Variants in PFKFB3 observed in about 807,000 individuals in gnomAD.
PFKFB3 encodes the protein 6-phosphofructo-2-kinase/fructose-2,6-biphosphatase 3.
In PFKFB3, 33 loss-of-function variants were observed where a neutral mutation model predicts 68.0. The observed-to-expected ratio is 0.49, with a 90% CI of 0.37 to 0.65. The LOEUF (loss-of-function observed/expected upper bound fraction) is 0.65. PFKFB3 is among the 30% of genes least tolerant of loss of function. The pLI, the probability that PFKFB3 is intolerant of heterozygous loss-of-function variation, is 0.00. For missense variants in PFKFB3, 586 were observed against 712.2 expected (o/e 0.82, Z 2.02); for synonymous variants, 315 against 288.2 (o/e 1.09, Z -0.94).
At chr10:6,256,153 G>A (rs142947846), downstream of PFKFB3, among the ~76,000 whole-genome samples, 15 of 152,298 alleles carry the variant, frequency 9.8e-5, no homozygotes, top group East Asian at 2.9e-3. Flanking sequence ...TAGGGCCTGT[G>A]CCCTTTGAAC....
intron 1 of PFKFB3, among the ~76,000 whole-genome samples, chr10:6,194,876 T>C (rs1030619575): frequency 8.9e-5 from 12 of 135,234 alleles, no homozygotes; most frequent in Admixed American, 2.3e-4. Flanking sequence ...TTTTCTTTTT[T>C]CTTTTTTTTT....
chr10:6,238,151 G>T (rs958469562), downstream of PFKFB3, among the ~76,000 whole-genome samples: 1 of 151,726 alleles, frequency 6.6e-6, no homozygotes, highest in East Asian at 1.9e-4. Context: ...TGTCTTTGGA[G>T]AAATTTTTAT....
At chr10:6,238,004 G>T (rs564684714), downstream of PFKFB3, among the ~76,000 whole-genome samples, 11 of 151,748 alleles carry the variant, frequency 7.2e-5, no homozygotes, top group East Asian at 1.5e-3. Flanking sequence ...TGAAGGCGCT[G>T]GTTTCAACCT....
intron 6 of PFKFB3, among the ~76,000 whole-genome samples, chr10:6,218,409 A>AT (rs1844734515): frequency 4.9e-5 from 7 of 143,256 alleles, no homozygotes; most frequent in African/African-American, 1.8e-4. Flanking sequence ...AATCATTTTT[A>AT]TTATTTATTT....
chr10:6,145,023 C>G, intron 1 of PFKFB3: 1 of 1,335,692 alleles, frequency 7.5e-7, no homozygotes, highest in South Asian at 1.9e-5. Context: ...GGTAGGAGTC[C>G]CGGTGACGCG....
intron 13 of PFKFB3, among the ~76,000 whole-genome samples, chr10:6,225,825 C>T (rs1845311848): frequency 6.6e-6 from 1 of 152,212 alleles, no homozygotes; most frequent in Non-Finnish European, 1.5e-5. Flanking sequence ...CCAGCCTCTC[C>T]CTCCTAGATG....
intron 6 of PFKFB3, among the ~76,000 whole-genome samples, chr10:6,217,438 CA>C (rs1487279047): frequency 6.6e-6 from 1 of 152,188 alleles, no homozygotes; most frequent in African/African-American, 2.4e-5. Context: ...GGAAATAATT[CA>C]GGGAGATAGG....
chr10:6,192,139 TACACACACACACAC>T (rs60638987), intron 1 of PFKFB3, among the ~76,000 whole-genome samples: 355 of 119,124 alleles, frequency 3.0e-3, no homozygotes, highest in East Asian at 0.015. Context: ...CATTCCCCAA[TACACACACACACAC>T]ACACACACAC....
At chr10:6,260,052 G>A in the PFKFB3 span, among the ~76,000 whole-genome samples, 1 of 152,068 alleles carries the variant, frequency 6.6e-6, no homozygotes, top group South Asian at 2.1e-4. Context: ...ATGAAAAAAA[G>A]CATGGAAAAT....
the PFKFB3 span, among the ~76,000 whole-genome samples, chr10:6,294,422 A>T: frequency 6.6e-6 from 1 of 152,232 alleles, no homozygotes; most frequent in Admixed American, 6.5e-5. Flanking sequence ...CTTATATGGC[A>T]GCAGGCAAGA....
Position 6,177,531 on chromosome 10 carries a change from T to C in PFKFB3, c.16+32518T>C, listed in dbSNP as rs192981752. Among the ~76,000 whole-genome samples the C allele has an allele frequency of 7.9e-3, 1,070 of 134,916 alleles. 59 individuals are homozygous for C. In the East Asian group the frequency reaches 0.081, roughly 10 times the overall value. The allele number at this position is 134,916 out of a possible 152,430, so 88.5% of individuals were successfully genotyped here. On this transcript the variant is annotated intron_variant, in intron 1 of 14. Coordinates refer to the PFKFB3 transcript ENST00000379789. Reference sequence around the variant, plus strand: ...TCGCTCTCTCTTTCCTTTCTTTTTCTTTTTTTTTTTTGAGACGGAGTTTCA... The same window carrying C: ...TCGCTCTCTCTTTCCTTTCTTTTTCCTTTTTTTTTTTGAGACGGAGTTTCA...
At position 6,161,373 on chromosome 10, in the gene PFKFB3, T is replaced by C. The variant is rs147819656; in HGVS notation, c.16+16360T>C. ...GGATCCCATTTGTTTGGATCATTTGTAAAGGTAACTTTTCCCATTTGTAAC... is the reference window on the plus strand; with the variant it reads ...GGATCCCATTTGTTTGGATCATTTGCAAAGGTAACTTTTCCCATTTGTAAC... On this transcript the variant is annotated intron_variant, in intron 1 of 14. Transcript: ENST00000379789. Among the ~76,000 whole-genome samples, 769 of 152,290 alleles carry C rather than the reference T, an allele frequency of 5.0e-3. 6 individuals carry two copies. The highest frequency in any genetic ancestry group is 7.4e-3 in the Non-Finnish European group (506 of 68,030).
chr10:6,157,416 C>T (rs536726364), intron 1 of PFKFB3, among the ~76,000 whole-genome samples: 38 of 151,610 alleles, frequency 2.5e-4, no homozygotes, highest in Non-Finnish European at 4.4e-4. Context: ...TTAGTAGAGG[C>T]GGGGTTTCAC....
rs73612094 is a variant in PFKFB3 at position 6,155,669 on chromosome 10, T to C, written c.16+10656T>C. Among the ~76,000 whole-genome samples, 1,507 of 152,232 alleles carry C rather than the reference T, an allele frequency of 9.9e-3. 60 individuals carry two copies. The highest frequency in any genetic ancestry group is 0.068 in the Admixed American group (1,034 of 15,274). ...GGACAGACCCCACCCAGGCACCTGC[T>C]GACCGGGTTCACTTCCAAATCAGGA... On this transcript the variant is annotated intron_variant, in intron 1 of 14. Transcript: ENST00000379789.
chr10:6,216,430 C>G (rs1844588929), intron 4 of PFKFB3, among the ~76,000 whole-genome samples: 1 of 151,558 alleles, frequency 6.6e-6, no homozygotes, highest in African/African-American at 2.4e-5. Flanking sequence ...GGACCACTGG[C>G]CCTTCCTTGT....
chr10:6,261,051 G>C, the PFKFB3 span, among the ~76,000 whole-genome samples: 46 of 152,288 alleles, frequency 3.0e-4, no homozygotes, highest in East Asian at 8.7e-3. Flanking sequence ...ACCATCACTT[G>C]GTACCACCAG....
At chr10:6,171,985 C>T (rs181913044) in intron 1 of PFKFB3, among the ~76,000 whole-genome samples, 4 of 152,324 alleles carry the variant, frequency 2.6e-5, no homozygotes, top group African/African-American at 9.6e-5. Context: ...ATTCAGAAAA[C>T]ATGAGTTGGT....
At chr10:6,171,574 G>A (rs954283237) in intron 1 of PFKFB3, among the ~76,000 whole-genome samples, 1 of 151,886 alleles carries the variant, frequency 6.6e-6, no homozygotes, top group Non-Finnish European at 1.5e-5. Flanking sequence ...TTTATTTTTT[G>A]TAGAGATGAG....
chr10:6,157,393 A>AT (rs1319769701), intron 1 of PFKFB3, among the ~76,000 whole-genome samples: 2 of 152,006 alleles, frequency 1.3e-5, no homozygotes, highest in South Asian at 2.1e-4. Context: ...CGCCCAGCTA[A>AT]TTTTTTGTAT....
Sources: gnomAD v4.1 joint callset for allele counts (sites outside exome capture counted in the v4.1 genomes callset) on GRCh38, gnomAD v4.1.1 for gene constraint, MANE v1.5 for transcripts, NCBI Gene and HGNC (gene_info 2026-07-23, HGNC 2026-07-21) for gene names.